The following SLC7A2 variants were observed in gnomAD, a reference collection of about 807,000 sequenced individuals.
SLC7A2 encodes cationic amino acid transporter 2.
A neutral mutation model predicts 58.9 loss-of-function variants in SLC7A2; 48 were observed. The ratio of observed to expected loss-of-function variants is 0.82; its 90% confidence interval spans 0.65 to 1.04. SLC7A2 has a LOEUF of 1.04. Among genes scored for constraint, SLC7A2 ranks in the 50% least tolerant of loss-of-function variants. SLC7A2 has a pLI of 0.00. For synonymous variants in SLC7A2, 363 were observed against 314.5 expected (o/e 1.15, Z -1.63); for missense variants, 1,029 against 818.8 (o/e 1.26, Z -3.13).
At chr8:17,542,922 A>G (rs1801976836) in intron 2 of SLC7A2, among the ~76,000 whole-genome samples, 1 of 152,172 alleles carries the variant, frequency 6.6e-6, no homozygotes, top group Non-Finnish European at 1.5e-5. Flanking sequence ...AGATTGTGCC[A>G]CTGCCCTCCA....
At chr8:17,541,268 A>G (rs1585235252) in intron 2 of SLC7A2, among the ~76,000 whole-genome samples, 1 of 152,314 alleles carries the variant, frequency 6.6e-6, no homozygotes, top group South Asian at 2.1e-4. Context: ...TAAGCAGAAC[A>G]CTTATCTTCT....
At chr8:17,520,843 T>C (rs1336229258) in intron 2 of SLC7A2, 7 of 306,802 alleles carry the variant, frequency 2.3e-5, no homozygotes, top group Non-Finnish European at 3.3e-5. Context: ...CAGTATTGAT[T>C]TGTGACCACA....
intron 1 of SLC7A2, chr8:17,500,664 CTGT>C (rs1800117569): frequency 6.6e-6 from 1 of 152,156 alleles, no homozygotes; most frequent in Non-Finnish European, 1.5e-5. Context: ...TGGCAGGTGC[CTGT>C]AATCCCAGCT....
chr8:17,496,383 G>A (rs370308923), upstream of SLC7A2, among the ~76,000 whole-genome samples: 1 of 152,136 alleles, frequency 6.6e-6, no homozygotes, highest in Non-Finnish European at 1.5e-5. Context: ...GTTCAATTCA[G>A]TGCGTGTTTT....
At chr8:17,505,088 C>T (rs1213351544) in intron 2 of SLC7A2, among the ~76,000 whole-genome samples, 1 of 148,990 alleles carries the variant, frequency 6.7e-6, no homozygotes, top group African/African-American at 2.5e-5. Flanking sequence ...CCCACCCCCC[C>T]GCCGCCCACC....
At chr8:17,539,925 C>T (rs1185398170) in intron 2 of SLC7A2, among the ~76,000 whole-genome samples, 1 of 152,142 alleles carries the variant, frequency 6.6e-6, no homozygotes, top group Non-Finnish European at 1.5e-5. Flanking sequence ...ATAACCATTT[C>T]ATATGGGGAG....
chr8:17,510,620 A>G (rs770318869), intron 2 of SLC7A2: 1 of 152,190 alleles, frequency 6.6e-6, no homozygotes, highest in Non-Finnish European at 1.5e-5. Flanking sequence ...TGTTGGCTGC[A>G]TGAATGTCTT....
At chr8:17,532,050 A>T (rs774361726) in intron 2 of SLC7A2, among the ~76,000 whole-genome samples, 1 of 151,806 alleles carries the variant, frequency 6.6e-6, no homozygotes, top group Non-Finnish European at 1.5e-5. Flanking sequence ...CAACGTGGTG[A>T]AACCCCATCT....
chr8:17,557,272 T>C (rs1171557001), intron 8 of SLC7A2, among the ~76,000 whole-genome samples: 2 of 152,220 alleles, frequency 1.3e-5, no homozygotes, highest in African/African-American at 4.8e-5. Flanking sequence ...GAAAACTATA[T>C]GCTAAATTCA....
chr8:17,533,882 C>T lies in SLC7A2; in HGVS notation c.-22-9436C>T, dbSNP rs181349862. Among the ~76,000 whole-genome samples, 28 of 152,316 alleles carry T rather than the reference C, an allele frequency of 1.8e-4. No homozygotes were observed. The East Asian group carries it at 5.0e-3, about 27-fold the overall frequency. On this transcript the variant is annotated intron_variant, in intron 2 of 12. Transcript: ENST00000494857. ...TCACCTAGGTATTAAGCCCCACATG[C>T]ATTAGCTGTTTATCCTGATGCTCTC...
At chr8:17,564,126 G>T (rs73196200) in intron 12 of SLC7A2, among the ~76,000 whole-genome samples, 3,950 of 152,284 alleles carry the variant, frequency 0.026, 100 homozygotes, top group Middle Eastern at 0.054. Flanking sequence ...TTTGCATACA[G>T]TTCTTCGGAC....
chr8:17,523,624 A>G (rs1801104685), intron 2 of SLC7A2, among the ~76,000 whole-genome samples: 1 of 152,246 alleles, frequency 6.6e-6, no homozygotes, highest in Non-Finnish European at 1.5e-5. Flanking sequence ...AAGATGGATC[A>G]AAGACATAAA....
At chr8:17,514,383 G>C (rs1800719766) in intron 2 of SLC7A2, among the ~76,000 whole-genome samples, 1 of 152,142 alleles carries the variant, frequency 6.6e-6, no homozygotes, top group Admixed American at 6.5e-5. Flanking sequence ...AGTAGAATGA[G>C]CCCAGAAAAC....
At chr8:17,543,900 C>T (rs1802039917) in intron 3 of SLC7A2, among the ~76,000 whole-genome samples, 185 bp downstream of exon 3, 1 of 152,022 alleles carries the variant, frequency 6.6e-6, no homozygotes, top group South Asian at 2.1e-4. Flanking sequence ...GACAGTCTCA[C>T]TCTGTCGCCC....
chr8:17,505,999 T>G (rs145088510), intron 2 of SLC7A2, among the ~76,000 whole-genome samples: 5 of 152,244 alleles, frequency 3.3e-5, no homozygotes. Flanking sequence ...TAATGCTGAT[T>G]TAGCTACTGA....
rs1385308296 is a variant in SLC7A2 at position 17,543,347 on chromosome 8, C to T, written c.8C>T (p.Pro3Leu). MI[P>L]CRAALTFARC... ...CCTTCGTCAGACGTCAGAATGATTC[C>T]TTGCAGAGCCGCGCTGACCTTTGCC... The change falls in exon 3 of 13, where the codon CCT (proline) becomes CTT (leucine). Residue 3 changes from proline (P) to leucine (L), a missense_variant. Transcript: ENST00000494857. 5 of 1,611,260 alleles carry T rather than the reference C, an allele frequency of 3.1e-6. No individual in the cohort carries two copies. The highest frequency in any genetic ancestry group is 4.2e-6 in the Non-Finnish European group (5 of 1,178,796).
At chr8:17,557,513 T>C (rs76542846) in intron 8 of SLC7A2, among the ~76,000 whole-genome samples, 6,192 of 152,228 alleles carry the variant, frequency 0.041, 163 homozygotes, top group East Asian at 0.07. Flanking sequence ...TTATTTTACT[T>C]TATTTTATCA....
intron 8 of SLC7A2, among the ~76,000 whole-genome samples, chr8:17,557,409 A>C (rs1802758254): frequency 6.6e-6 from 1 of 152,184 alleles, no homozygotes; most frequent in South Asian, 2.1e-4. Context: ...CAGGACCAGA[A>C]ACTGATCTCT....
At chr8:17,504,821 C>G (rs532882903) in intron 2 of SLC7A2, among the ~76,000 whole-genome samples, 6 of 152,204 alleles carry the variant, frequency 3.9e-5, no homozygotes, top group African/African-American at 1.4e-4. Flanking sequence ...AAATTCAGGT[C>G]CAGAAAAAGA....
Sources: allele counts gnomAD v4.1 joint callset (sites outside exome capture counted in the v4.1 genomes callset), GRCh38; gene constraint gnomAD v4.1.1; transcripts MANE v1.5; gene names NCBI Gene and HGNC (gene_info 2026-07-23, HGNC 2026-07-21).